Variants in FLRT1 observed in about 807,000 individuals in gnomAD.
FLRT1 encodes fibronectin leucine rich transmembrane protein 1.
FLRT1 carries 14 observed loss-of-function variants against 30.9 expected under a neutral mutation model. The observed-to-expected ratio is 0.45, with a 90% CI of 0.30 to 0.71. The LOEUF is 0.71. FLRT1 is among the 30% of genes least tolerant of loss of function. The probability of loss-of-function intolerance (pLI) is 0.08; values close to 1 mark genes in which losing one functional copy is unlikely to be tolerated. For missense variants in FLRT1, 737 were observed against 949.2 expected, an observed-to-expected ratio of 0.78 and a Z score of 2.94; for synonymous variants, 368 against 430.4, an observed-to-expected ratio of 0.85 and a Z score of 1.80.
intron 1 of FLRT1, among the ~76,000 whole-genome samples, chr11:64,038,559 G>A (rs1052632711): frequency 1.3e-5 from 2 of 152,206 alleles, no homozygotes; most frequent in Admixed American, 6.5e-5. Flanking sequence ...TGGTGCAGGG[G>A]GAGGATGAGG....
chr11:64,082,425 G>A lies in FLRT1; in HGVS notation c.-1037-20769G>A, dbSNP rs1402644937. Among the ~76,000 whole-genome samples the A allele has an allele frequency of 1.3e-5, 2 of 152,054 alleles. No individual in the cohort carries two copies. Among genetic ancestry groups the A allele is most frequent in the East Asian group, 1.9e-4 (1 of 5,164 alleles). On this transcript the variant is annotated intron_variant, in intron 1 of 2. Coordinates refer to ENST00000682287, the MANE Select transcript of FLRT1 (RefSeq NM_013280.5). This position sits in a 1 kb window ranked among gnomAD's most constrained non-coding sequence, Gnocchi z 4.5. ...CTGAAGTGGGGGCGTCCTAAGGTGA[G>A]GGGCAGGCAGGTGAGGGGCTTGAGG...
In FLRT1 at chr11:64,064,472, C is replaced by T. The variant is rs902999507; in HGVS notation, c.-1038+28313C>T. On this transcript the variant is annotated intron_variant, in intron 1 of 2. Transcript: ENST00000682287. This position sits in a 1 kb window ranked among gnomAD's most constrained non-coding sequence, Gnocchi z 4.5. ...CTCTGTTTTCTCTTGGCCAAAGAAC[C>T]GGAGGCCTCAGGCCTGCCCCGGATG... Among the ~76,000 whole-genome samples the T allele has an allele frequency of 7.9e-5, 12 of 152,130 alleles. No homozygotes were observed. Among genetic ancestry groups the T allele is most frequent in the East Asian group, 1.9e-4 (1 of 5,202 alleles).
At position 64,116,936 on chromosome 11, in the gene FLRT1, C is replaced by T. The variant is rs1944994811; in HGVS notation, c.669C>T (p.Ser223=). Residue 223 remains serine (S), a synonymous_variant, in exon 3 of 3, where the codon AGC becomes AGT. Coordinates refer to ENST00000682287, the MANE Select transcript of FLRT1 (RefSeq NM_013280.5). ...IPLHAFKGLN[S]LRRLVLDGNL... Reference sequence around the variant, plus strand: ...TGCATGCCTTCAAGGGCCTCAACAGCCTGCGGCGCCTGGTGCTGGACGGTA... The same window carrying T: ...TGCATGCCTTCAAGGGCCTCAACAGTCTGCGGCGCCTGGTGCTGGACGGTA... The T allele has an allele frequency of 1.9e-6, 3 of 1,611,422 alleles. No individual in the cohort carries two copies. The highest frequency in any genetic ancestry group is 2.5e-6 in the Non-Finnish European group (3 of 1,180,002).
At chr11:64,053,559 G>A (rs2134418014) in intron 1 of FLRT1, among the ~76,000 whole-genome samples, 1 of 152,262 alleles carries the variant, frequency 6.6e-6, no homozygotes, top group African/African-American at 2.4e-5. Context: ...CCTGGACTCA[G>A]ACACCACAGC....
intron 1 of FLRT1, among the ~76,000 whole-genome samples, chr11:64,071,759 G>A (rs1944111404): frequency 6.6e-6 from 1 of 152,190 alleles, no homozygotes; most frequent in South Asian, 2.1e-4. Context: ...CAGGAGACTG[G>A]CCTGCCCCAT....
At chr11:64,057,011 T>C (rs1426814084) in intron 1 of FLRT1, among the ~76,000 whole-genome samples, 1 of 152,122 alleles carries the variant, frequency 6.6e-6, no homozygotes, top group Non-Finnish European at 1.5e-5. Context: ...TGCGCCCGTG[T>C]CACCCCCCTA....
intron 1 of FLRT1, among the ~76,000 whole-genome samples, chr11:64,044,758 T>A (rs1943552870): frequency 6.6e-6 from 1 of 152,128 alleles, no homozygotes; most frequent in African/African-American, 2.4e-5. Context: ...CTTTGGTATC[T>A]GTCATGCTCC....
At chr11:64,047,254 C>T (rs971893434) in intron 1 of FLRT1, among the ~76,000 whole-genome samples, 5 of 152,174 alleles carry the variant, frequency 3.3e-5, no homozygotes, top group African/African-American at 1.2e-4. Context: ...TCAACTCCTC[C>T]CAGCAAGCCT....
intron 1 of FLRT1, among the ~76,000 whole-genome samples, chr11:64,072,698 T>A (rs116635771): frequency 3.5e-4 from 53 of 152,302 alleles, no homozygotes; most frequent in African/African-American, 1.3e-3. Context: ...AGGGCTGTTC[T>A]GGGGATTAGA....
At chr11:64,049,290 G>A (rs911495990) in intron 1 of FLRT1, among the ~76,000 whole-genome samples, 2 of 152,150 alleles carry the variant, frequency 1.3e-5, no homozygotes, top group Non-Finnish European at 2.9e-5. Flanking sequence ...AAAGGGACTG[G>A]CCCAGGATCC....
At chr11:64,115,013 T>C (rs1308564620) in intron 2 of FLRT1, among the ~76,000 whole-genome samples, 1 of 152,088 alleles carries the variant, frequency 6.6e-6, no homozygotes, top group African/African-American at 2.4e-5. Context: ...GAAAATAAGG[T>C]CCCTGCTGGC....
chr11:64,081,213 G>C (rs1389420605), intron 1 of FLRT1, among the ~76,000 whole-genome samples: 1 of 152,138 alleles, frequency 6.6e-6, no homozygotes, highest in Non-Finnish European at 1.5e-5. Flanking sequence ...GTAGAGATGG[G>C]GTTTCACCAT....
At chr11:64,110,068 G>T (rs1351068644) in intron 2 of FLRT1, among the ~76,000 whole-genome samples, 1 of 152,160 alleles carries the variant, frequency 6.6e-6, no homozygotes, top group Non-Finnish European at 1.5e-5. Flanking sequence ...ATCCTGAATT[G>T]TAAGTTCCCA....
chr11:64,117,420 G>A lies in FLRT1; in HGVS notation c.1153G>A (p.Gly385Ser). ...MDECFETGPQ[G>S]GVANAAAKTT... ...CGAGTGTTTTGAGACGGGGCCGCAGGGCGGCGTGGCCAATGCGGCTGCCAA... is the reference window on the plus strand; with the variant it reads ...CGAGTGTTTTGAGACGGGGCCGCAGAGCGGCGTGGCCAATGCGGCTGCCAA... The change falls in exon 3 of 3, where the codon GGC (glycine) becomes AGC (serine). Residue 385 changes from glycine to serine, a missense_variant. Physicochemically the swap from Gly to Ser is moderately conservative, Grantham distance 56 (BLOSUM62 0). Coordinates refer to ENST00000682287, the MANE Select transcript of FLRT1 (RefSeq NM_013280.5). 5 of 1,612,382 alleles carry A rather than the reference G, an allele frequency of 3.1e-6. No homozygotes were observed. Among genetic ancestry groups the A allele is most frequent in the Non-Finnish European group, 4.2e-6 (5 of 1,178,710 alleles).
intron 1 of FLRT1, among the ~76,000 whole-genome samples, chr11:64,052,494 T>C (rs1288103898): frequency 3.3e-5 from 5 of 152,174 alleles, no homozygotes; most frequent in Non-Finnish European, 7.3e-5. Flanking sequence ...AAGGTTTAAA[T>C]GTTGACATGA....
chr11:64,062,499 C>T (rs1004547878), intron 1 of FLRT1, among the ~76,000 whole-genome samples: 1 of 152,222 alleles, frequency 6.6e-6, no homozygotes, highest in Non-Finnish European at 1.5e-5. Flanking sequence ...GCCAATCTGG[C>T]GCAGCCTCCT....
chr11:64,090,396 T>C lies in FLRT1; in HGVS notation c.-1037-12798T>C, dbSNP rs1018783687. On this transcript the variant is annotated intron_variant, in intron 1 of 2. Transcript: ENST00000682287. The surrounding 1 kb of genome is among the most constrained non-coding windows in gnomAD (Gnocchi z 4.7). ...GGCAGCAGGGCACAATTACTGAGCCTGGTGCTTTATTTCCTCAACTCACCT... is the reference window on the plus strand; with the variant it reads ...GGCAGCAGGGCACAATTACTGAGCCCGGTGCTTTATTTCCTCAACTCACCT... Among the ~76,000 whole-genome samples the C allele has an allele frequency of 2.6e-5, 4 of 152,234 alleles. No homozygotes were observed. In the South Asian group the frequency reaches 6.2e-4, roughly 24 times the overall value.
intron 1 of FLRT1, among the ~76,000 whole-genome samples, chr11:64,058,067 C>T (rs1428266058): frequency 1.3e-5 from 2 of 152,222 alleles, no homozygotes; most frequent in African/African-American, 2.4e-5. Flanking sequence ...CACTGGGCTG[C>T]GCTAGGAACA....
At chr11:64,110,437 G>A (rs1180902172) in intron 2 of FLRT1, among the ~76,000 whole-genome samples, 9 of 150,332 alleles carry the variant, frequency 6.0e-5, no homozygotes, top group East Asian at 1.9e-4. Flanking sequence ...GTGACAGAGC[G>A]AGACTGTCTC....
Sources: gnomAD v4.1 joint callset for allele counts (sites outside exome capture counted in the v4.1 genomes callset) on GRCh38, gnomAD v4.1.1 for gene constraint, Gnocchi (gnomAD v3.1) non-coding constraint, MANE v1.5 for transcripts, NCBI Gene and HGNC (gene_info 2026-07-23, HGNC 2026-07-21) for gene names.